Variants in PKNOX2 observed in about 807,000 individuals in gnomAD.
The protein encoded by PKNOX2 is PBX/knotted 1 homeobox 2, also known as homeobox protein PKNOX2.
Under a neutral mutation model 53.1 loss-of-function variants are expected in PKNOX2, and 14 were observed. The ratio of observed to expected loss-of-function variants is 0.26; its 90% CI spans 0.17 to 0.41. The LOEUF is 0.41. Ranked by LOEUF, PKNOX2 falls within the 10% of genes least tolerant of loss-of-function variation. The probability of loss-of-function intolerance (pLI) is 1.00; values close to 1 mark genes in which losing one functional copy is unlikely to be tolerated. For missense variants in PKNOX2, 496 were observed against 602.8 expected, an observed-to-expected ratio of 0.82 and a Z score of 1.85; for synonymous variants, 257 against 242.8, an observed-to-expected ratio of 1.06 and a Z score of -0.54.
chr11:125,401,368 G>A (rs753690255), intron 7 of PKNOX2, among the ~76,000 whole-genome samples: 5 of 152,180 alleles, frequency 3.3e-5, no homozygotes, highest in Non-Finnish European at 5.9e-5. Context: ...GCCAGGGTAC[G>A]AGGAGGCGGG....
intron 2 of PKNOX2, among the ~76,000 whole-genome samples, chr11:125,317,831 G>GT (rs1335988564): frequency 6.6e-6 from 1 of 152,120 alleles, no homozygotes; most frequent in Non-Finnish European, 1.5e-5. Flanking sequence ...AAGTCAACCT[G>GT]TTTTTTTGTG....
At chr11:125,170,369 A>G (rs1955195747) in intron 1 of PKNOX2, among the ~76,000 whole-genome samples, 1 of 152,092 alleles carries the variant, frequency 6.6e-6, no homozygotes, top group South Asian at 2.1e-4. Context: ...TTCTCAGCCA[A>G]TCACAGGCAA....
intron 5 of PKNOX2, among the ~76,000 whole-genome samples, chr11:125,371,310 A>T (rs1055293338): frequency 7.9e-5 from 12 of 152,048 alleles, no homozygotes; most frequent in Admixed American, 1.3e-4. Context: ...AGGCCGGTGG[A>T]GTGAGGGACC....
rs77427174 is a variant in PKNOX2, at chr11:125,317,057, G to T, written c.-129-14762G>T. Among the ~76,000 whole-genome samples, 168 of 152,302 alleles carry T rather than the reference G, an allele frequency of 1.1e-3. 4 individuals are homozygous for T. In the East Asian group the frequency reaches 0.027, roughly 24 times the overall value. On this transcript the variant is annotated intron_variant, in intron 2 of 12. Coordinates refer to ENST00000298282, the MANE Select transcript of PKNOX2 (RefSeq NM_001382323.2). ...ATGTGCACAGTATCTTCACCAGGAG[G>T]AGATTCCATCTCAGAAAACTGCATT...
At chr11:125,408,494 G>A (rs1340100508) in intron 7 of PKNOX2, among the ~76,000 whole-genome samples, 4 of 152,236 alleles carry the variant, frequency 2.6e-5, no homozygotes, top group Admixed American at 1.3e-4. Flanking sequence ...CAGGAGGCCC[G>A]TGCGGCAGGT....
chr11:125,309,668 G>T (rs149474983), intron 2 of PKNOX2, among the ~76,000 whole-genome samples: 1 of 152,058 alleles, frequency 6.6e-6, no homozygotes, highest in African/African-American at 2.4e-5. Flanking sequence ...AATTACAGGC[G>T]TGAGCGACTG....
At chr11:125,384,815 T>C (rs1302069114) in intron 5 of PKNOX2, among the ~76,000 whole-genome samples, 1 of 152,132 alleles carries the variant, frequency 6.6e-6, no homozygotes, top group African/African-American at 2.4e-5. Flanking sequence ...CACCGAATAT[T>C]TATTAAGTGT....
chr11:125,215,747 G>A (rs1419232550), intron 1 of PKNOX2, among the ~76,000 whole-genome samples: 1 of 152,142 alleles, frequency 6.6e-6, no homozygotes, highest in Admixed American at 6.5e-5. Flanking sequence ...GCGAGACTCT[G>A]TCTCAAAATA....
chr11:125,169,566 G>A (rs1955131676), intron 1 of PKNOX2, among the ~76,000 whole-genome samples: 1 of 152,108 alleles, frequency 6.6e-6, no homozygotes, highest in Admixed American at 6.5e-5. Context: ...TTATTGCCAG[G>A]GCTGCATGAC....
At chr11:125,266,576 G>A (rs1313926821) in intron 2 of PKNOX2, 1 of 152,192 alleles carries the variant, frequency 6.6e-6, no homozygotes, top group Non-Finnish European at 1.5e-5. Flanking sequence ...TCTGCAGTAA[G>A]ACAATCTCAT....
At chr11:125,322,135 C>T (rs888624740) in intron 2 of PKNOX2, among the ~76,000 whole-genome samples, 1 of 151,996 alleles carries the variant, frequency 6.6e-6, no homozygotes, top group Admixed American at 6.5e-5. Flanking sequence ...GAAGGAGAGT[C>T]ATAGGCTAGA....
chr11:125,203,570 G>GT (rs1222865004), intron 1 of PKNOX2, among the ~76,000 whole-genome samples: 2 of 152,200 alleles, frequency 1.3e-5, no homozygotes, highest in African/African-American at 4.8e-5. Flanking sequence ...CAAGGCCTCA[G>GT]TTTTTTCTCC....
intron 1 of PKNOX2, among the ~76,000 whole-genome samples, chr11:125,199,461 C>T (rs868605262): frequency 1.3e-5 from 2 of 152,314 alleles, no homozygotes; most frequent in South Asian, 4.1e-4. Context: ...AAAACCAACT[C>T]AGGAAGTTAA....
chr11:125,429,503 G>A (rs1041671286), intron 11 of PKNOX2, among the ~76,000 whole-genome samples: 17 of 152,286 alleles, frequency 1.1e-4, no homozygotes, highest in African/African-American at 3.9e-4. Context: ...TGGGGAGAGG[G>A]AGGAGGAGTA....
At chr11:125,171,884 A>G (rs1955346181) in intron 1 of PKNOX2, among the ~76,000 whole-genome samples, 1 of 152,254 alleles carries the variant, frequency 6.6e-6, no homozygotes, top group Admixed American at 6.5e-5. Context: ...TAGAGAGGGC[A>G]CATACAATAC....
intron 6 of PKNOX2, among the ~76,000 whole-genome samples, chr11:125,394,293 A>T (rs920650715): frequency 3.3e-5 from 5 of 152,224 alleles, no homozygotes; most frequent in African/African-American, 1.2e-4. Flanking sequence ...GGTCCAAATG[A>T]TCCATTCTAA....
chr11:125,333,535 G>GACACACACACACACAC (rs1267319651), intron 3 of PKNOX2, among the ~76,000 whole-genome samples: 1 of 131,896 alleles, frequency 7.6e-6, no homozygotes, highest in African/African-American at 3.3e-5. Context: ...TCAGTCCCAA[G>GACACACACACACACAC]ACACACACAC....
chr11:125,167,317 A>G (rs1412621893), intron 1 of PKNOX2, among the ~76,000 whole-genome samples: 1 of 152,146 alleles, frequency 6.6e-6, no homozygotes, highest in Non-Finnish European at 1.5e-5. Flanking sequence ...CAGCCCTTAC[A>G]GGACACGGAA....
At chr11:125,363,865 G>A (rs1952049325) in intron 4 of PKNOX2, among the ~76,000 whole-genome samples, 1 of 152,118 alleles carries the variant, frequency 6.6e-6, no homozygotes, top group South Asian at 2.1e-4. Flanking sequence ...GGGTGGGGAG[G>A]GCAGGGGCAA....
Sources: allele counts gnomAD v4.1 joint callset (sites outside exome capture counted in the v4.1 genomes callset), GRCh38; gene constraint gnomAD v4.1.1; transcripts MANE v1.5; gene names NCBI Gene and HGNC (gene_info 2026-07-23, HGNC 2026-07-21).